The following GPC3 variants were observed in gnomAD, a reference collection of about 807,000 sequenced individuals.
The protein encoded by GPC3 is glypican 3.
In GPC3, 3 loss-of-function variants were observed where a neutral mutation model predicts 34.4. The observed-to-expected ratio is 0.09, with a 90% CI of 0.04 to 0.23. GPC3 has a LOEUF of 0.23. Ranked by LOEUF, GPC3 falls within the 10% of genes least tolerant of loss-of-function variation. The pLI is 1.00. For synonymous variants in GPC3, 177 were observed against 174.0 expected (o/e 1.02, Z -0.13); for missense variants, 351 against 445.6 (o/e 0.79, Z 1.91).
chrX:133,712,696 A>G (rs1172171139), intron 3 of GPC3, among the ~76,000 whole-genome samples: 6 of 108,117 alleles, frequency 5.5e-5, no homozygotes, highest in Non-Finnish European at 9.5e-5. Flanking sequence ...CTTGGCCAAC[A>G]TGGTGAAACC....
intron 2 of GPC3, among the ~76,000 whole-genome samples, chrX:133,867,834 C>T (rs996460557): frequency 9.4e-6 from 1 of 106,776 alleles, no homozygotes; most frequent in Non-Finnish European, 1.9e-5. Context: ...GAATGGTGCG[C>T]AGAGAAAGAG....
Position 133,580,992 on chromosome X carries a change from G to A in GPC3, c.1573+15448C>T, listed in dbSNP as rs1016933067. Among the ~76,000 whole-genome samples, 6 of 112,374 alleles carry A rather than the reference G, an allele frequency of 5.3e-5. No individual in the cohort carries two copies. The Admixed American group carries it at 5.7e-4, about 11-fold the overall frequency. On this transcript the variant is annotated intron_variant, in intron 7 of 7. Transcript: ENST00000370818. ...AACAAAATGTAACCTGATATTAGGA[G>A]TTCCACTCGAACTCTATGAAGCCAA... is the stretch of plus-strand genomic sequence containing the variant.
At chrX:133,579,081 C>T (rs1035467876) in intron 7 of GPC3, among the ~76,000 whole-genome samples, 5 of 111,570 alleles carry the variant, frequency 4.5e-5, no homozygotes, top group African/African-American at 1.6e-4. Context: ...TGCTCTTTCT[C>T]ATCTCCAAGT....
chrX:133,668,821 T>A (rs1294393483), intron 5 of GPC3, among the ~76,000 whole-genome samples: 1 of 111,748 alleles, frequency 8.9e-6, no homozygotes, highest in Non-Finnish European at 1.9e-5. Context: ...GGGTTCCATC[T>A]CCAGCTGTGT....
At chrX:133,855,588 A>T (rs1234928005) in intron 2 of GPC3, among the ~76,000 whole-genome samples, 9 of 105,537 alleles carry the variant, frequency 8.5e-5, no homozygotes, top group African/African-American at 2.1e-4. Flanking sequence ...TAACATCTCT[A>T]TCGTCTCACA....
At chrX:133,865,691 G>T (rs960468137) in intron 2 of GPC3, among the ~76,000 whole-genome samples, 1 of 112,136 alleles carries the variant, frequency 8.9e-6, no homozygotes, top group Non-Finnish European at 1.9e-5. Flanking sequence ...TAATTGGTCA[G>T]CAACGAAGCT....
intron 2 of GPC3, chrX:133,763,173 C>A: frequency 1.4e-6 from 1 of 701,533 alleles, no homozygotes; most frequent in Non-Finnish European, 2.3e-6. Flanking sequence ...TGGTTACTGA[C>A]CCCAGGGCTG....
chrX:133,635,648 T>C (rs1169378667), intron 6 of GPC3, among the ~76,000 whole-genome samples: 1 of 110,779 alleles, frequency 9.0e-6, no homozygotes, highest in East Asian at 2.8e-4. Context: ...TATGGTGTGC[T>C]GAACAGACAA....
intron 6 of GPC3, among the ~76,000 whole-genome samples, chrX:133,656,059 T>A: frequency 8.9e-6 from 1 of 112,074 alleles, no homozygotes; most frequent in African/African-American, 3.2e-5. Context: ...CATCATTCTA[T>A]GAAGTAGGGC....
chrX:133,603,201 T>G (rs1034090818), intron 6 of GPC3, among the ~76,000 whole-genome samples: 1 of 110,252 alleles, frequency 9.1e-6, no homozygotes, highest in African/African-American at 3.3e-5. Context: ...AGTTTCTGAT[T>G]TGGTGAATCT....
chrX:133,671,540 A>T (rs1177607173), intron 5 of GPC3, among the ~76,000 whole-genome samples: 1 of 112,240 alleles, frequency 8.9e-6, no homozygotes, highest in Non-Finnish European at 1.9e-5. Flanking sequence ...CTAGAAACAG[A>T]TATATCCACT....
At chrX:133,757,761 A>T (rs909190833) in intron 2 of GPC3, among the ~76,000 whole-genome samples, 1 of 111,248 alleles carries the variant, frequency 9.0e-6, no homozygotes, top group African/African-American at 3.3e-5. Context: ...AATGCCTCAC[A>T]ATGGGTTAGA....
intron 3 of GPC3, among the ~76,000 whole-genome samples, chrX:133,733,899 T>TA (rs763471602): frequency 1.2e-3 from 132 of 112,015 alleles, no homozygotes; most frequent in African/African-American, 4.1e-3. Context: ...TTAATACTTT[T>TA]AAAACTTTCC....
chrX:133,908,796 C>G (rs1042057019), intron 2 of GPC3, among the ~76,000 whole-genome samples: 1 of 111,581 alleles, frequency 9.0e-6, no homozygotes, highest in African/African-American at 3.3e-5. Context: ...ACTAAATCCC[C>G]AAGAACTTTT....
chrX:133,595,273 T>C, intron 7 of GPC3, among the ~76,000 whole-genome samples: 1 of 111,082 alleles, frequency 9.0e-6, no homozygotes, highest in East Asian at 2.9e-4. Flanking sequence ...AGGAGAAGGC[T>C]GTGCACCACA....
At chrX:133,821,636 C>T (rs2075719229) in intron 2 of GPC3, among the ~76,000 whole-genome samples, 1 of 111,495 alleles carries the variant, frequency 9.0e-6, no homozygotes, top group East Asian at 2.8e-4. Flanking sequence ...ATCCACATAA[C>T]AAAAGGTAAT....
chrX:133,962,844 A>G (rs2076447481), intron 1 of GPC3, among the ~76,000 whole-genome samples: 1 of 111,854 alleles, frequency 8.9e-6, no homozygotes, highest in South Asian at 3.8e-4. Flanking sequence ...TCCCTCCCCA[A>G]CATGTATGAA....
intron 2 of GPC3, among the ~76,000 whole-genome samples, chrX:133,908,310 G>A (rs1408188189): frequency 7.2e-5 from 8 of 111,234 alleles, no homozygotes; most frequent in Admixed American, 6.8e-4. Flanking sequence ...CTCATTCTCT[G>A]ACCATTGCTG....
At chrX:133,929,318 T>G (rs1001325845) in intron 2 of GPC3, among the ~76,000 whole-genome samples, 8 of 112,501 alleles carry the variant, frequency 7.1e-5, no homozygotes, top group Non-Finnish European at 1.5e-4. Flanking sequence ...AGTTCTGTAT[T>G]GTTTCTTTCT....
Sources: gnomAD v4.1 joint callset for allele counts (sites outside exome capture counted in the v4.1 genomes callset) on GRCh38, gnomAD v4.1.1 for gene constraint, MANE v1.5 for transcripts, NCBI Gene and HGNC (gene_info 2026-07-23, HGNC 2026-07-21) for gene names.